Variants in RMDN2 observed in about 807,000 individuals in gnomAD.
The protein encoded by RMDN2 is regulator of microtubule dynamics 2.
A neutral mutation model predicts 52.8 loss-of-function variants in RMDN2; 61 were observed. That is an observed-to-expected ratio of 1.16 (90% confidence interval 0.94 to 1.43). RMDN2 has a LOEUF of 1.43. Ranked by LOEUF, RMDN2 falls within the 40% of genes most tolerant of loss-of-function variation. The pLI, the probability that RMDN2 is intolerant of heterozygous loss-of-function variation, is 0.00. For missense variants in RMDN2, 592 were observed against 475.3 expected (o/e 1.25, Z -2.28); for synonymous variants, 180 against 153.1 (o/e 1.18, Z -1.30).
chr2:37,973,113 C>A (rs973773821), intron 2 of RMDN2, among the ~76,000 whole-genome samples: 15 of 151,976 alleles, frequency 9.9e-5, no homozygotes, highest in Admixed American at 7.9e-4. Flanking sequence ...ATATTGACTT[C>A]ATTCACATTT....
chr2:38,001,044 A>C (rs1676251822), intron 8 of RMDN2, among the ~76,000 whole-genome samples: 1 of 152,156 alleles, frequency 6.6e-6, no homozygotes, highest in Non-Finnish European at 1.5e-5. Context: ...GATTGCACTT[A>C]TTGTTTGCAG....
intron 10 of RMDN2, among the ~76,000 whole-genome samples, chr2:38,011,496 C>T (rs547484811): frequency 1.3e-5 from 2 of 152,284 alleles, no homozygotes; most frequent in South Asian, 4.1e-4. Context: ...AAACCCTCCT[C>T]TTTTTCTGTG....
intron 10 of RMDN2, among the ~76,000 whole-genome samples, chr2:38,064,221 C>T (rs983018184): frequency 3.9e-5 from 6 of 152,072 alleles, no homozygotes; most frequent in African/African-American, 9.7e-5. Context: ...GATTAGGGGC[C>T]GGGTGCATTG....
chr2:37,936,665 A>G (rs1334688306), intron 2 of RMDN2, among the ~76,000 whole-genome samples: 1 of 152,038 alleles, frequency 6.6e-6, no homozygotes, highest in Non-Finnish European at 1.5e-5. Flanking sequence ...TTTTTTTCTT[A>G]TATTTGTTGG....
intron 10 of RMDN2, among the ~76,000 whole-genome samples, chr2:38,043,765 T>C (rs532246326): frequency 1.3e-5 from 2 of 152,244 alleles, no homozygotes; most frequent in East Asian, 3.9e-4. Flanking sequence ...CAGACATCTT[T>C]TAGTAATATA....
chr2:37,929,727 AG>A lies in RMDN2; in HGVS notation c.452+1del, dbSNP rs977916718. ...GTTCAGAGGAAGCAGAAAGTGAAGGAGGGTAAGTTTCTTTAAGATATTTCCT... is the reference window on the plus strand; with the variant it reads ...GTTCAGAGGAAGCAGAAAGTGAAGGAGGTAAGTTTCTTTAAGATATTTCCT... ...NSSEEAESEG[G>X]YITANTDTEE... On this transcript the variant is annotated frameshift_variant and splice_region_variant, in exon 2 of 11. Coordinates refer to ENST00000354545, the MANE Select transcript of RMDN2 (RefSeq NM_001170791.3). LOFTEE classifies it high-confidence loss of function. The A allele has an allele frequency of 1.3e-6, 2 of 1,497,706 alleles. No homozygotes were observed. The highest frequency in any genetic ancestry group is 2.8e-5 in the African/African-American group (2 of 70,232). The allele number at this position is 1,497,706 out of a possible 1,614,324, so 92.8% of individuals were successfully genotyped here. A position where few individuals can be genotyped will look rare whatever the true frequency, so the allele number is the denominator to read the frequency against.
chr2:37,945,442 C>T (rs1668143090), intron 2 of RMDN2, among the ~76,000 whole-genome samples: 1 of 152,160 alleles, frequency 6.6e-6, no homozygotes, highest in Admixed American at 6.5e-5. Flanking sequence ...CCTGTGCCTT[C>T]TTCAAAACTT....
chr2:38,066,763 T>C (rs1682299969), intron 10 of RMDN2: 1 of 540,420 alleles, frequency 1.9e-6, no homozygotes, highest in East Asian at 3.1e-5. Flanking sequence ...ATTATAATTA[T>C]TTAAAGGAAT....
At chr2:37,971,426 A>G (rs148114019) in intron 2 of RMDN2, among the ~76,000 whole-genome samples, 2 of 152,316 alleles carry the variant, frequency 1.3e-5, no homozygotes, top group East Asian at 1.9e-4. Context: ...TTTTGAATAG[A>G]TGATCCATAA....
intron 2 of RMDN2, among the ~76,000 whole-genome samples, chr2:37,961,135 T>G (rs189237120): frequency 6.6e-6 from 1 of 152,320 alleles, no homozygotes; most frequent in Non-Finnish European, 1.5e-5. Flanking sequence ...TTTGTTTGTT[T>G]CAAGCTTGGT....
At position 37,929,541 on chromosome 2, in the gene RMDN2, A is replaced by G; in HGVS notation, c.264A>G (p.Glu88=). ...KLNELLTNME[E]LKEEIRFLKE... ...ACGAATTACTGACAAATATGGAAGA[A>G]CTCAAAGAGGAAATCAGATTTCTTA... The change falls in exon 2 of 11, where the codon GAA becomes GAG. Residue 88 remains glutamate, a synonymous_variant. Coordinates refer to ENST00000354545, the MANE Select transcript of RMDN2 (RefSeq NM_001170791.3). The G allele has an allele frequency of 6.4e-7, 1 of 1,551,872 alleles. No individual in the cohort carries two copies.
chr2:37,921,874 T>G (rs964806), upstream of RMDN2, among the ~76,000 whole-genome samples: 29,679 of 152,142 alleles, frequency 0.2, 4,081 homozygotes, highest in East Asian at 0.72. Context: ...ATAAGATAAT[T>G]CATATAAAGA....
chr2:38,009,242 A>T (rs920244047), intron 10 of RMDN2, among the ~76,000 whole-genome samples: 1 of 152,064 alleles, frequency 6.6e-6, no homozygotes, highest in Non-Finnish European at 1.5e-5. Flanking sequence ...CTGAATTTGA[A>T]TGTTGGCCTG....
intron 10 of RMDN2, among the ~76,000 whole-genome samples, chr2:38,005,153 A>G (rs1676902720): frequency 2.0e-5 from 3 of 152,240 alleles, no homozygotes; most frequent in Non-Finnish European, 2.9e-5. Flanking sequence ...GTGCTGCTAT[A>G]AACATACGTG....
chr2:37,931,137 C>T (rs771784385), intron 2 of RMDN2, among the ~76,000 whole-genome samples: 85 of 152,178 alleles, frequency 5.6e-4, no homozygotes, highest in Non-Finnish European at 9.7e-4. Context: ...TGTTCAAGAA[C>T]ACAAATTTTT....
At chr2:38,032,962 A>G (rs1680317443) in intron 10 of RMDN2, 2 of 152,246 alleles carry the variant, frequency 1.3e-5, no homozygotes. Flanking sequence ...CACAGTAAGT[A>G]TACATTAGCT....
intron 2 of RMDN2, among the ~76,000 whole-genome samples, chr2:37,945,314 A>G (rs1271264595): frequency 6.6e-6 from 1 of 152,226 alleles, no homozygotes; most frequent in Non-Finnish European, 1.5e-5. Context: ...AGCAGCCACT[A>G]TGAACTATAC....
intron 10 of RMDN2, among the ~76,000 whole-genome samples, chr2:38,055,782 A>G (rs1333510668): frequency 2.0e-5 from 3 of 152,162 alleles, no homozygotes; most frequent in African/African-American, 7.2e-5. Context: ...GCAACTCATC[A>G]GCTGGAATAG....
At chr2:37,982,684 C>T (rs893801316) in intron 5 of RMDN2, among the ~76,000 whole-genome samples, 1 of 152,096 alleles carries the variant, frequency 6.6e-6, no homozygotes, top group Non-Finnish European at 1.5e-5. Flanking sequence ...GTTTTGTACT[C>T]GGTGCCTCTG....
Sources: allele counts gnomAD v4.1 joint callset (sites outside exome capture counted in the v4.1 genomes callset), GRCh38; gene constraint gnomAD v4.1.1; transcripts MANE v1.5; gene names NCBI Gene and HGNC (gene_info 2026-07-23, HGNC 2026-07-21).